Variants in CERKL observed in about 807,000 individuals in gnomAD.
CERKL encodes CERK like autophagy regulator, also known as ceramide kinase-like protein.
Under a neutral mutation model 63.4 loss-of-function variants are expected in CERKL, and 61 were observed. That is an observed-to-expected ratio of 0.96 (90% CI 0.78 to 1.19). The LOEUF (loss-of-function observed/expected upper bound fraction) is 1.19, where lower values mean the gene tolerates loss of function less well. CERKL is among the 50% of genes most tolerant of loss of function. CERKL has a pLI of 0.00. For missense variants in CERKL, 675 were observed against 655.5 expected (o/e 1.03, Z -0.33); for synonymous variants, 250 against 230.5 (o/e 1.08, Z -0.77).
intron 1 of CERKL, among the ~76,000 whole-genome samples, chr2:181,606,058 TA>T (rs575062007): frequency 1.1e-3 from 147 of 139,976 alleles, no homozygotes; most frequent in Middle Eastern, 7.0e-3. Context: ...AAAGGGAAAT[TA>T]AAAAAAGGAA....
chr2:181,548,752 G>C lies in CERKL; in HGVS notation c.1001C>G (p.Ala334Gly). 2 of 1,614,012 alleles carry C rather than the reference G, an allele frequency of 1.2e-6. No individual in the cohort carries two copies. The highest frequency in any genetic ancestry group is 1.1e-5 in the South Asian group (1 of 91,088). ...FGFGGRTLAL[A>G]EKYRWMSPNQ... ...AGGGGACATCCATCGATATTTTTCT[G>C]CCAGAGCCAAAGTTCTTCCACCAAA... The change falls in exon 7 of 13, where the codon GCA becomes GGA. Residue 334 changes from alanine to glycine, a missense_variant. Ala to Gly is a moderately conservative substitution (Grantham distance 60, BLOSUM62 0). Coordinates refer to ENST00000410087, the MANE Select transcript of CERKL (RefSeq NM_201548.5).
In CERKL at chr2:181,537,000, G is replaced by T; in HGVS notation, c.*1184C>A. On this transcript the variant is annotated 3_prime_UTR_variant, in exon 13 of 13. Coordinates refer to ENST00000410087, the MANE Select transcript of CERKL (RefSeq NM_201548.5). The stretch of plus-strand genomic sequence containing the variant: ...ATGAAAGTTATCTGTTCACAGGCCT[G>T]CAGTGATGGTGAGGAATGTTCTGAG... 2.2e-6 allele frequency: 1 copy of T among 449,766 alleles called. No individual in the cohort carries two copies. The highest frequency in any genetic ancestry group is 1.6e-5 in the South Asian group (1 of 63,534). The allele number at this position is 449,766 out of a possible 1,614,324, so 27.9% of individuals were successfully genotyped here.
At chr2:181,635,850 A>G (rs1687158168) in intron 1 of CERKL, among the ~76,000 whole-genome samples, 1 of 152,192 alleles carries the variant, frequency 6.6e-6, no homozygotes. Context: ...ACAAATGACT[A>G]TTTCACTGAC....
chr2:181,602,028 A>G (rs1685479622), intron 2 of CERKL, among the ~76,000 whole-genome samples: 1 of 152,246 alleles, frequency 6.6e-6, no homozygotes, highest in Non-Finnish European at 1.5e-5. Context: ...TAGATCAAAC[A>G]AAAACATCAC....
Position 181,537,162 on chromosome 2 carries a change from T to C in CERKL, c.*1022A>G, listed in dbSNP as rs1188628866. 1 of 453,968 alleles carries C rather than the reference T, an allele frequency of 2.2e-6. No individual in the cohort carries two copies. 28.1% of individuals were successfully genotyped at this position (453,968 alleles called of 1,614,324 possible). On this transcript the variant is annotated 3_prime_UTR_variant, in exon 13 of 13. Coordinates refer to ENST00000410087, the MANE Select transcript of CERKL (RefSeq NM_201548.5). ...ATCGTTATAAAAAGGCTAGTCATTC[T>C]TTCAGGAGAACATCTAGGATCATAG...
At chr2:181,630,371 G>C (rs1201156127) in intron 1 of CERKL, among the ~76,000 whole-genome samples, 1 of 152,136 alleles carries the variant, frequency 6.6e-6, no homozygotes, top group Non-Finnish European at 1.5e-5. Context: ...GGTTGGAAAA[G>C]ATTTAGGTAA....
chr2:181,612,020 G>A (rs1685988833), intron 1 of CERKL, among the ~76,000 whole-genome samples: 1 of 152,118 alleles, frequency 6.6e-6, no homozygotes, highest in Non-Finnish European at 1.5e-5. Flanking sequence ...CACACCAAAC[G>A]CTGTTCTCTG....
chr2:181,635,411 T>G (rs776133952), intron 1 of CERKL, among the ~76,000 whole-genome samples: 1 of 152,126 alleles, frequency 6.6e-6, no homozygotes, highest in Non-Finnish European at 1.5e-5. Flanking sequence ...GTATCCATGT[T>G]ATTTATTTTA....
intron 1 of CERKL, among the ~76,000 whole-genome samples, chr2:181,647,924 A>C (rs540813456): frequency 5.3e-5 from 8 of 152,308 alleles, no homozygotes; most frequent in Non-Finnish European, 1.0e-4. Context: ...AAATCTGAAG[A>C]ATGCAGTGAA....
At chr2:181,560,603 G>A (rs34743120) in intron 4 of CERKL, among the ~76,000 whole-genome samples, 3,522 of 152,168 alleles carry the variant, frequency 0.023, 133 homozygotes, top group South Asian at 0.16. Flanking sequence ...TATGCAATAG[G>A]TAATATTACC....
intron 1 of CERKL, among the ~76,000 whole-genome samples, chr2:181,615,583 T>A (rs961214528): frequency 6.6e-6 from 1 of 152,236 alleles, no homozygotes; most frequent in South Asian, 2.1e-4. Flanking sequence ...CACACACTTA[T>A]GGTATATTAG....
At chr2:181,594,357 T>C (rs1310625776) in intron 2 of CERKL, among the ~76,000 whole-genome samples, 1 of 151,868 alleles carries the variant, frequency 6.6e-6, no homozygotes, top group East Asian at 1.9e-4. Context: ...AAAGAGTAAG[T>C]GCCTGGTTTG....
chr2:181,632,218 C>A (rs1686992719), intron 1 of CERKL, among the ~76,000 whole-genome samples: 1 of 152,068 alleles, frequency 6.6e-6, no homozygotes, highest in East Asian at 1.9e-4. Context: ...ACTTTTTAAT[C>A]TAAAAATATT....
intron 2 of CERKL, among the ~76,000 whole-genome samples, chr2:181,574,676 CT>C (rs926928260): frequency 3.3e-5 from 5 of 152,104 alleles, no homozygotes; most frequent in African/African-American, 1.2e-4. Context: ...AAAAAGAAAG[CT>C]GACAACCGTT....
rs1264144698 is a variant in CERKL at position 181,630,348 on chromosome 2, AATC to A, written c.239-26272_239-26270del. On this transcript the variant is annotated intron_variant, in intron 1 of 12. Transcript: ENST00000410087. ...GGTGTGAGCCACCACACCTGGCCAA[AATC>A]CACTCTCAAGGTTGGAAAAGATTTA... 3.7e-3 allele frequency among the ~76,000 whole-genome samples: 570 copies of A among 152,186 alleles called. 2 individuals are homozygous for A. Among genetic ancestry groups the A allele is most frequent in the African/African-American group, 0.013 (534 of 41,540 alleles).
intron 1 of CERKL, among the ~76,000 whole-genome samples, chr2:181,641,243 AT>A (rs1011638322): frequency 1.3e-4 from 19 of 150,330 alleles, no homozygotes; most frequent in African/African-American, 3.7e-4. Flanking sequence ...TAATAAAAAT[AT>A]TTTTTGTACA....
At position 181,652,607 on chromosome 2, in the gene CERKL, T is replaced by C. The variant is rs983297886; in HGVS notation, c.238+4162A>G. 2.6e-5 allele frequency among the ~76,000 whole-genome samples: 4 copies of C among 152,040 alleles called. No individual in the cohort carries two copies. The East Asian group carries it at 5.8e-4, about 22-fold the overall frequency. Reference sequence around the variant, plus strand: ...TTTTTAAAATAAGACCTCAAAAGCATAGACAAAATAAGATTACATCAAACT... The same window carrying C: ...TTTTTAAAATAAGACCTCAAAAGCACAGACAAAATAAGATTACATCAAACT... On this transcript the variant is annotated intron_variant, in intron 1 of 12. Transcript: ENST00000410087.
intron 5 of CERKL, among the ~76,000 whole-genome samples, chr2:181,552,876 T>C (rs200667987): frequency 1.7e-5 from 1 of 57,968 alleles, no homozygotes; most frequent in African/African-American, 1.1e-4. Context: ...AAAAAATATA[T>C]TATTTTTAAA....
chr2:181,629,415 C>T (rs1379790618), intron 1 of CERKL, among the ~76,000 whole-genome samples: 1 of 152,142 alleles, frequency 6.6e-6, no homozygotes, highest in Admixed American at 6.6e-5. Flanking sequence ...AGGGTAATAG[C>T]CACCTAAGTC....
Sources: gnomAD v4.1 joint callset for allele counts (sites outside exome capture counted in the v4.1 genomes callset) on GRCh38, gnomAD v4.1.1 for gene constraint, MANE v1.5 for transcripts, NCBI Gene and HGNC (gene_info 2026-07-23, HGNC 2026-07-21) for gene names.